Variants in RUNX1 observed in about 807,000 individuals in gnomAD.
RUNX1 encodes runt-related transcription factor 1.
In RUNX1, 19 loss-of-function variants were observed where a neutral mutation model predicts 42.8. That is an observed-to-expected ratio of 0.44 (90% CI 0.31 to 0.65). The LOEUF (loss-of-function observed/expected upper bound fraction) is 0.65, where lower values mean the gene tolerates loss of function less well. RUNX1 is among the 30% of genes least tolerant of loss of function. The pLI, the probability that RUNX1 is intolerant of heterozygous loss-of-function variation, is 0.07. For missense variants in RUNX1, 528 were observed against 672.0 expected, an observed-to-expected ratio of 0.79 and a Z score of 2.37; for synonymous variants, 271 against 289.4, an observed-to-expected ratio of 0.94 and a Z score of 0.64.
At chr21:34,801,350 C>T (rs190612375) in intron 7 of RUNX1, among the ~76,000 whole-genome samples, 88 of 151,338 alleles carry the variant, frequency 5.8e-4, no homozygotes, top group Non-Finnish European at 1.1e-3. Context: ...GCATAAAGTA[C>T]TATGCCATGA....
At position 34,907,813 on chromosome 21, in the gene RUNX1, G is replaced by A. The variant is rs2058235837; in HGVS notation, c.59-14850C>T. Among the ~76,000 whole-genome samples, 1 of 152,162 alleles carries A rather than the reference G, an allele frequency of 6.6e-6. No homozygotes were observed. Among genetic ancestry groups the A allele is most frequent in the East Asian group, 1.9e-4 (1 of 5,204 alleles). On this transcript the variant is annotated intron_variant, in intron 2 of 8. Coordinates refer to ENST00000675419, the MANE Select transcript of RUNX1 (RefSeq NM_001754.5). This position sits in a 1 kb window ranked among gnomAD's most constrained non-coding sequence, Gnocchi z 5.3. ...GCCATCCTTCTGTGGAATAGCATTG[G>A]GTCATTTCGTTCAGAGGCGAAAAGA...
rs1350755047 is a variant in RUNX1 at position 34,993,708 on chromosome 21, G to GACAC, written c.58+55130_58+55133dup. 5.8e-4 allele frequency among the ~76,000 whole-genome samples: 32 copies of GACAC among 55,390 alleles called. 1 individual carries two copies. Among genetic ancestry groups the GACAC allele is most frequent in the African/African-American group, 2.7e-3 (29 of 10,856 alleles). 36.3% of individuals were successfully genotyped at this position (55,390 alleles called of 152,430 possible). ...ACACACACAGGCGCACACACACACAGACACACACAGGCACACACACACAGA... is the reference window on the plus strand; with the variant it reads ...ACACACACAGGCGCACACACACACAGACACACACACACAGGCACACACACACAGA... On this transcript the variant is annotated intron_variant, in intron 2 of 8. Transcript: ENST00000675419.
At chr21:34,857,495 T>C (rs1043353769) in intron 6 of RUNX1, among the ~76,000 whole-genome samples, 3 of 152,140 alleles carry the variant, frequency 2.0e-5, no homozygotes, top group Non-Finnish European at 4.4e-5. Context: ...CATGAGGAAA[T>C]AAGAGAAGTA....
At chr21:34,941,301 A>G (rs1333020994) in intron 2 of RUNX1, among the ~76,000 whole-genome samples, 1 of 152,196 alleles carries the variant, frequency 6.6e-6, no homozygotes, top group Non-Finnish European at 1.5e-5. Flanking sequence ...AACCACTAGT[A>G]TAGTCTCCCT....
intron 5 of RUNX1, among the ~76,000 whole-genome samples, chr21:34,866,485 G>A (rs1247519095): frequency 2.0e-5 from 3 of 152,230 alleles, no homozygotes; most frequent in South Asian, 2.1e-4. Context: ...AAAAATTAAC[G>A]TACCCTCGGA....
chr21:34,802,772 G>A (rs751654161), intron 7 of RUNX1, among the ~76,000 whole-genome samples: 19 of 152,042 alleles, frequency 1.2e-4, no homozygotes, highest in Non-Finnish European at 2.4e-4. Flanking sequence ...GGAAAGCACC[G>A]AACTCAAATC....
chr21:34,924,450 T>C (rs534474136), intron 2 of RUNX1, among the ~76,000 whole-genome samples: 1 of 152,298 alleles, frequency 6.6e-6, no homozygotes, highest in South Asian at 2.1e-4. Context: ...GGGTAGAGTT[T>C]GTTAAAGGAC....
intron 2 of RUNX1, among the ~76,000 whole-genome samples, chr21:35,005,122 A>C (rs1313951863): frequency 2.6e-5 from 4 of 151,892 alleles, no homozygotes; most frequent in African/African-American, 9.7e-5. Flanking sequence ...GATCTCCAGA[A>C]ATCATGTTTT....
At chr21:34,971,672 A>G in intron 2 of RUNX1, among the ~76,000 whole-genome samples, 1 of 152,164 alleles carries the variant, frequency 6.6e-6, no homozygotes, top group Admixed American at 6.5e-5. Flanking sequence ...GAAGGAGGGA[A>G]TACAGGCCTA....
At chr21:35,000,462 G>A (rs539649037) in intron 2 of RUNX1, among the ~76,000 whole-genome samples, 7 of 151,948 alleles carry the variant, frequency 4.6e-5, no homozygotes, top group African/African-American at 1.2e-4. Flanking sequence ...GGATGGTCTC[G>A]ATTTCCTGAC....
At chr21:34,860,180 GT>G (rs2057552855) in intron 5 of RUNX1, among the ~76,000 whole-genome samples, 1 of 152,198 alleles carries the variant, frequency 6.6e-6, no homozygotes, top group Non-Finnish European at 1.5e-5. Flanking sequence ...ATGGACTTAA[GT>G]ATATGTAACT....
At chr21:34,910,435 C>T (rs1021327387) in intron 2 of RUNX1, among the ~76,000 whole-genome samples, 8 of 143,222 alleles carry the variant, frequency 5.6e-5, no homozygotes, top group Non-Finnish European at 1.1e-4. Flanking sequence ...AACTAAGAAA[C>T]AAATGAACTG....
intron 6 of RUNX1, among the ~76,000 whole-genome samples, chr21:34,849,253 C>CATAT (rs575459936): frequency 2.1e-4 from 12 of 56,772 alleles, no homozygotes; most frequent in Admixed American, 1.1e-3. Context: ...GCTTTGGGTA[C>CATAT]ATATATATAT....
In RUNX1 at chr21:34,935,072, G is replaced by A. The variant is rs139792073; in HGVS notation, c.59-42109C>T. 6.7e-3 allele frequency among the ~76,000 whole-genome samples: 1,019 copies of A among 152,098 alleles called. 10 individuals are homozygous for A. Among genetic ancestry groups the A allele is most frequent in the African/African-American group, 0.023 (971 of 41,462 alleles). On this transcript the variant is annotated intron_variant, in intron 2 of 8. Transcript: ENST00000675419. The stretch of plus-strand genomic sequence containing the variant: ...TTACATTTAATGAATTCTTAACCCA[G>A]TGGTATATGTTTTGAAGAGTGAAAT...
chr21:34,813,863 A>G (rs1174574604), intron 7 of RUNX1, among the ~76,000 whole-genome samples: 1 of 151,950 alleles, frequency 6.6e-6, no homozygotes. Context: ...ATCTCAGAGA[A>G]AGCTGCAGTG....
chr21:34,835,019 C>A (rs951347231), intron 6 of RUNX1, among the ~76,000 whole-genome samples: 1 of 152,212 alleles, frequency 6.6e-6, no homozygotes, highest in African/African-American at 2.4e-5. Context: ...GGCATCAGAA[C>A]GGCTGTTCCT....
chr21:34,946,885 G>T (rs1347085449), intron 2 of RUNX1, among the ~76,000 whole-genome samples: 1 of 152,170 alleles, frequency 6.6e-6, no homozygotes, highest in Non-Finnish European at 1.5e-5. Flanking sequence ...CAGAGAAAAG[G>T]CAAGCTCGTC....
chr21:34,940,790 C>A (rs951590655), intron 2 of RUNX1, among the ~76,000 whole-genome samples: 1 of 152,230 alleles, frequency 6.6e-6, no homozygotes, highest in Non-Finnish European at 1.5e-5. Context: ...GGAATTTAGA[C>A]ACACTTAGGG....
At chr21:35,048,757 C>T in intron 2 of RUNX1, 85 bp downstream of exon 2, 1 of 1,149,884 alleles carries the variant, frequency 8.7e-7, no homozygotes, top group South Asian at 1.2e-5. Context: ...ACCGAGGCAT[C>T]TCTGCACCGA....
Sources: gnomAD v4.1 joint callset for allele counts (sites outside exome capture counted in the v4.1 genomes callset) on GRCh38, gnomAD v4.1.1 for gene constraint, Gnocchi (gnomAD v3.1) non-coding constraint, MANE v1.5 for transcripts, NCBI Gene and HGNC (gene_info 2026-07-23, HGNC 2026-07-21) for gene names.